SYT16: variants seen among roughly 807,000 people sequenced by gnomAD.
SYT16 encodes the protein synaptotagmin 16.
A neutral mutation model predicts 61.4 loss-of-function variants in SYT16; 42 were observed. That is an observed-to-expected ratio of 0.68 (90% CI 0.53 to 0.89). SYT16 has a LOEUF of 0.89. Ranked by LOEUF, SYT16 falls within the 40% of genes least tolerant of loss-of-function variation. SYT16 has a pLI of 0.00. For missense variants in SYT16, 804 were observed against 807.3 expected (o/e 1.00, Z 0.05); for synonymous variants, 314 against 302.3 (o/e 1.04, Z -0.40).
rs562129448 is a variant in SYT16 at position 61,907,819 on chromosome 14, G to C, written c.-324-62313G>C. Among the ~76,000 whole-genome samples the C allele has an allele frequency of 3.9e-5, 6 of 152,326 alleles. No individual in the cohort carries two copies. The South Asian group carries it at 1.2e-3, about 32-fold the overall frequency. ...CCCAGGGGGGTGCATCCTAAAGGCT[G>C]ACTGGCTACCACAGTATCCTTTCTC... On this transcript the variant is annotated intron_variant, in intron 1 of 7. Transcript: ENST00000683842.
At chr14:61,938,940 G>T (rs1219770889) in intron 1 of SYT16, among the ~76,000 whole-genome samples, 10 of 152,182 alleles carry the variant, frequency 6.6e-5, no homozygotes, top group South Asian at 2.1e-4. Context: ...CCCGAGACCA[G>T]CCTGGCCAGC....
intron 1 of SYT16, among the ~76,000 whole-genome samples, chr14:61,917,743 C>T (rs189792835): frequency 6.6e-6 from 1 of 152,032 alleles, no homozygotes; most frequent in Non-Finnish European, 1.5e-5. Context: ...TAAATAAACA[C>T]AGCACTATAA....
intron 3 of SYT16, among the ~76,000 whole-genome samples, chr14:62,035,469 C>T (rs568878539): frequency 3.6e-4 from 54 of 152,070 alleles, no homozygotes; most frequent in African/African-American, 5.3e-4. Context: ...GGATACAATA[C>T]GGGAAGAAAA....
intron 5 of SYT16, among the ~76,000 whole-genome samples, chr14:62,078,172 AACAC>A (rs144022896): frequency 9.3e-5 from 12 of 128,848 alleles, no homozygotes; most frequent in African/African-American, 2.2e-4. Flanking sequence ...TATATATATA[AACAC>A]ACACACACAC....
chr14:61,940,094 A>G lies in SYT16; in HGVS notation c.-324-30038A>G, dbSNP rs149123608. Among the ~76,000 whole-genome samples the G allele has an allele frequency of 2.0e-5, 3 of 152,296 alleles. No homozygotes were observed. In the East Asian group the frequency reaches 5.8e-4, roughly 29 times the overall value. ...GATAATTTTTATAATGATGTGAGGA[A>G]ATCTCTGAAGATGAACAGAATATAC... On this transcript the variant is annotated intron_variant, in intron 1 of 7. Coordinates refer to ENST00000683842, the MANE Select transcript of SYT16 (RefSeq NM_001367656.1).
At chr14:61,898,673 T>A (rs1446752079) in intron 1 of SYT16, among the ~76,000 whole-genome samples, 1 of 152,174 alleles carries the variant, frequency 6.6e-6, no homozygotes, top group African/African-American at 2.4e-5. Flanking sequence ...GCTGAGAGTG[T>A]ACACTTGAAA....
intron 1 of SYT16, among the ~76,000 whole-genome samples, chr14:61,915,486 A>G (rs746852850): frequency 2.6e-5 from 4 of 152,206 alleles, no homozygotes; most frequent in Non-Finnish European, 5.9e-5. Flanking sequence ...TATAGGAACA[A>G]GTTTAGGACA....
intron 1 of SYT16, among the ~76,000 whole-genome samples, chr14:61,847,525 C>T (rs560863974): frequency 2.2e-4 from 33 of 152,098 alleles, no homozygotes; most frequent in African/African-American, 7.9e-4. Context: ...TATTAAATAC[C>T]TTGAGGTAGT....
intron 3 of SYT16, among the ~76,000 whole-genome samples, chr14:62,011,317 C>T (rs2053440897): frequency 6.6e-6 from 1 of 152,058 alleles, no homozygotes. Context: ...TCTCAAGCTC[C>T]ATGTGTGGTC....
chr14:62,005,404 T>C (rs1427483444), intron 3 of SYT16, among the ~76,000 whole-genome samples: 1 of 152,138 alleles, frequency 6.6e-6, no homozygotes, highest in Non-Finnish European at 1.5e-5. Context: ...GACTGTGTTG[T>C]TCCTTGAGTC....
At chr14:62,046,468 T>A (rs1214435752) in intron 3 of SYT16, among the ~76,000 whole-genome samples, 2 of 152,186 alleles carry the variant, frequency 1.3e-5, no homozygotes, top group Admixed American at 1.3e-4. Context: ...TTAGATCCCA[T>A]TTGCCAATTT....
chr14:62,002,918 G>C (rs2053077917), intron 3 of SYT16, among the ~76,000 whole-genome samples: 1 of 152,118 alleles, frequency 6.6e-6, no homozygotes, highest in Non-Finnish European at 1.5e-5. Flanking sequence ...TCACATGACA[G>C]CAGCAAGAAG....
At chr14:61,891,536 G>A (rs781057659) in intron 1 of SYT16, among the ~76,000 whole-genome samples, 3 of 152,166 alleles carry the variant, frequency 2.0e-5, no homozygotes, top group Non-Finnish European at 2.9e-5. Context: ...AGCACTGAGA[G>A]GACAAGTAGG....
At chr14:61,862,417 G>C (rs1209699520) in intron 1 of SYT16, among the ~76,000 whole-genome samples, 1 of 152,150 alleles carries the variant, frequency 6.6e-6, no homozygotes, top group Non-Finnish European at 1.5e-5. Flanking sequence ...ATGCTTTGGA[G>C]ATTCATCATT....
intron 3 of SYT16, among the ~76,000 whole-genome samples, chr14:62,055,661 G>A (rs768002578): frequency 7.2e-5 from 11 of 152,142 alleles, no homozygotes; most frequent in Admixed American, 3.3e-4. Flanking sequence ...GATCCCTTAG[G>A]TGAATAATCA....
At chr14:61,861,580 T>A (rs1392748004) in intron 1 of SYT16, among the ~76,000 whole-genome samples, 1 of 152,106 alleles carries the variant, frequency 6.6e-6, no homozygotes, top group African/African-American at 2.4e-5. Context: ...TATTTTTATA[T>A]TTTTTGTAGA....
At chr14:61,960,636 T>G (rs1372631124) in intron 1 of SYT16, among the ~76,000 whole-genome samples, 1 of 152,166 alleles carries the variant, frequency 6.6e-6, no homozygotes, top group Non-Finnish European at 1.5e-5. Context: ...TAGAATAATA[T>G]TATCTGCAAA....
chr14:61,945,855 CAAAAAAAAAAA>C (rs60917584), intron 1 of SYT16, among the ~76,000 whole-genome samples: 12 of 64,514 alleles, frequency 1.9e-4, no homozygotes, highest in Admixed American at 2.6e-4. Flanking sequence ...GACTCCGTCT[CAAAAAAAAAAA>C]AAAAAAAAAA....
intron 3 of SYT16, among the ~76,000 whole-genome samples, chr14:62,051,136 G>T (rs2055269263): frequency 6.6e-6 from 1 of 152,216 alleles, no homozygotes; most frequent in African/African-American, 2.4e-5. Flanking sequence ...GAGCTTCCCG[G>T]CTGCTTTGTT....
Sources: allele counts gnomAD v4.1 joint callset (sites outside exome capture counted in the v4.1 genomes callset), GRCh38; gene constraint gnomAD v4.1.1; transcripts MANE v1.5; gene names NCBI Gene and HGNC (gene_info 2026-07-23, HGNC 2026-07-21).